B3GNT5: variants seen among roughly 807,000 people sequenced by gnomAD.
B3GNT5 encodes the protein lactosylceramide 1,3-N-acetyl-beta-D-glucosaminyltransferase.
In B3GNT5, 11 loss-of-function variants were observed where a neutral mutation model predicts 25.9. The ratio of observed to expected loss-of-function variants is 0.42; its 90% CI spans 0.27 to 0.70. The LOEUF is 0.70. Ranked by LOEUF, B3GNT5 falls within the 30% of genes least tolerant of loss-of-function variation. The pLI is 0.23. For missense variants in B3GNT5, 385 were observed against 458.4 expected, an observed-to-expected ratio of 0.84 and a Z score of 1.46; for synonymous variants, 166 against 158.6, an observed-to-expected ratio of 1.05 and a Z score of -0.35.
intron 1 of B3GNT5, among the ~76,000 whole-genome samples, chr3:183,255,803 A>G (rs1724987446): frequency 6.8e-6 from 1 of 147,292 alleles, no homozygotes; most frequent in South Asian, 2.1e-4. Flanking sequence ...AAATGGTGAG[A>G]TTGTAAAAAA....
chr3:183,268,264 G>A (rs1349769850), intron 1 of B3GNT5, among the ~76,000 whole-genome samples: 1 of 152,178 alleles, frequency 6.6e-6, no homozygotes, highest in Non-Finnish European at 1.5e-5. Context: ...AGGGTCCTGT[G>A]GGCCAGGCTG....
chr3:183,273,218 A>C lies in B3GNT5; in HGVS notation c.*2283A>C, dbSNP rs1342255960. On this transcript the variant is annotated 3_prime_UTR_variant, in exon 2 of 2. Transcript: ENST00000326505. ...ATAGAAGATGGTTATACACAGTGTT[A>C]TTGTTAAAATTTTTTTACCTTTTGG... The C allele has an allele frequency of 2.2e-4, 88 of 394,436 alleles. 1 individual carries two copies. In the East Asian group the frequency reaches 3.2e-3, roughly 14 times the overall value. 24.4% of individuals were successfully genotyped at this position (394,436 alleles called of 1,614,324 possible).
At chr3:183,255,124 G>C (rs6768556) in intron 1 of B3GNT5, among the ~76,000 whole-genome samples, 24,250 of 152,118 alleles carry the variant, frequency 0.16, 4,638 homozygotes, top group African/African-American at 0.46. Flanking sequence ...GGATTTGTGC[G>C]TCTGTGCCTT....
In B3GNT5 at chr3:183,273,255, C is replaced by CT. The variant is rs1294362861; in HGVS notation, c.*2326dup. 10 of 365,486 alleles carry CT rather than the reference C, an allele frequency of 2.7e-5. No homozygotes were observed. The highest frequency in any genetic ancestry group is 1.7e-4 in the African/African-American group (8 of 47,804). The allele number at this position is 365,486 out of a possible 1,614,324, so 22.6% of individuals were successfully genotyped here. A position where few individuals can be genotyped will look rare whatever the true frequency, so the allele number is the denominator to read the frequency against. On this transcript the variant is annotated 3_prime_UTR_variant, in exon 2 of 2. Transcript: ENST00000326505. ...TTTTTACCTTTTGGTTGGTTTGCATCTTTTTTCCATATTGTTAATTTTATA... is the reference window on the plus strand; with the variant it reads ...TTTTTACCTTTTGGTTGGTTTGCATCTTTTTTTCCATATTGTTAATTTTATA...
rs555898379 is a variant in B3GNT5 at position 183,272,156 on chromosome 3, A to G, written c.*1221A>G. ...GGGGTTAAAGCATTTTTAAAGCTGC[A>G]TGTTCCTTGTAATCAAAGAGATGTG... On this transcript the variant is annotated 3_prime_UTR_variant, in exon 2 of 2. Transcript: ENST00000326505. 1.0e-6 allele frequency: 1 copy of G among 1,000,330 alleles called. No homozygotes were observed. The highest frequency in any genetic ancestry group is 4.7e-5 in the South Asian group (1 of 21,294). 62.0% of individuals were successfully genotyped at this position (1,000,330 alleles called of 1,614,324 possible).
Position 183,273,121 on chromosome 3 carries a change from C to A in B3GNT5, c.*2186C>A. ...AAGAAGGAAAAAACTTTTTGGTGCT[C>A]CAGTGTAGGGCTATCTTTTTAAAAA... On this transcript the variant is annotated 3_prime_UTR_variant, in exon 2 of 2. Coordinates refer to ENST00000326505, the MANE Select transcript of B3GNT5 (RefSeq NM_032047.5). 1 of 903,228 alleles carries A rather than the reference C, an allele frequency of 1.1e-6. No individual in the cohort carries two copies. Among genetic ancestry groups the A allele is most frequent in the South Asian group, 1.8e-5 (1 of 54,358 alleles). 56.0% of individuals were successfully genotyped at this position (903,228 alleles called of 1,614,324 possible).
At chr3:183,265,193 G>A in intron 1 of B3GNT5, 1 of 152,254 alleles carries the variant, frequency 6.6e-6, no homozygotes, top group Admixed American at 6.5e-5. Context: ...AGAGTGAGGT[G>A]AGGGTTGCCC....
rs189235198 is a variant in B3GNT5 at position 183,259,326 on chromosome 3, A to G, written c.-302+5854A>G. On this transcript the variant is annotated intron_variant, in intron 1 of 1. Transcript: ENST00000326505. ...GTGGGGTGGCAGGGGTGGGGCTAGGAGTAGTGGCTGTTTGTAGCATGTTTT... is the reference window on the plus strand; with the variant it reads ...GTGGGGTGGCAGGGGTGGGGCTAGGGGTAGTGGCTGTTTGTAGCATGTTTT... 5.9e-5 allele frequency among the ~76,000 whole-genome samples: 9 copies of G among 152,280 alleles called. No individual in the cohort carries two copies. The East Asian group carries it at 1.4e-3, about 23-fold the overall frequency.
chr3:183,263,809 A>C (rs1208996762), intron 1 of B3GNT5, among the ~76,000 whole-genome samples: 1 of 152,132 alleles, frequency 6.6e-6, no homozygotes, highest in Non-Finnish European at 1.5e-5. Context: ...GTAATGCTTG[A>C]AATTAGCTCT....
chr3:183,263,090 AGT>A (rs981209535), intron 1 of B3GNT5, among the ~76,000 whole-genome samples: 2 of 152,036 alleles, frequency 1.3e-5, no homozygotes, highest in African/African-American at 4.8e-5. Flanking sequence ...CTGAGGAGTG[AGT>A]GTACTATAGA....
intron 1 of B3GNT5, among the ~76,000 whole-genome samples, chr3:183,266,867 A>G (rs191537939): frequency 2.1e-4 from 32 of 151,484 alleles, no homozygotes; most frequent in African/African-American, 7.8e-4. Flanking sequence ...GCTCATTGCA[A>G]CCTCCACCTT....
Position 183,270,289 on chromosome 3 carries a change from C to T in B3GNT5, c.491C>T (p.Ser164Phe). 6.2e-7 allele frequency: 1 copy of T among 1,614,150 alleles called. No individual in the cohort carries two copies. The highest frequency in any genetic ancestry group is 8.5e-7 in the Non-Finnish European group (1 of 1,180,014). ...ATAATTCAGCAAGACTTTGTTGATT[C>T]TTTCTACAATCTTACTCTGAAATTA... ...NDIIQQDFVD[S>F]FYNLTLKLLM... Residue 164 changes from serine (S) to phenylalanine (F), a missense_variant, in exon 2 of 2, where the codon TCT becomes TTT. Transcript: ENST00000326505. The surrounding 1 kb of genome is among the most constrained non-coding windows in gnomAD (Gnocchi z 4.5).
intron 1 of B3GNT5, among the ~76,000 whole-genome samples, chr3:183,264,298 C>T (rs1026018347): frequency 1.3e-5 from 2 of 152,226 alleles, no homozygotes; most frequent in Non-Finnish European, 2.9e-5. Flanking sequence ...TCCTCAGGCC[C>T]TCCTAAAATC....
chr3:183,262,929 C>T (rs192299321), intron 1 of B3GNT5, among the ~76,000 whole-genome samples: 4 of 151,736 alleles, frequency 2.6e-5, no homozygotes, highest in South Asian at 2.1e-4. Context: ...GATGGGAGGG[C>T]GCTGGGGTCT....
chr3:183,262,014 G>A (rs1309206023), intron 1 of B3GNT5, among the ~76,000 whole-genome samples: 3 of 129,326 alleles, frequency 2.3e-5, no homozygotes, highest in Admixed American at 8.1e-5. Context: ...ATATATATAT[G>A]AATATTTATT....
rs940588695 is a variant in B3GNT5, at chr3:183,271,031, C to T, written c.*96C>T. 1.1e-5 allele frequency: 13 copies of T among 1,179,148 alleles called. No homozygotes were observed. The highest frequency in any genetic ancestry group is 1.0e-4 in the East Asian group (4 of 39,098). 73.0% of individuals were successfully genotyped at this position (1,179,148 alleles called of 1,614,324 possible). A position where few individuals can be genotyped will look rare whatever the true frequency, so the allele number is the denominator to read the frequency against. Reference sequence around the variant, plus strand: ...GTCTATACCCTAAGTAAAATGAGGACGAAAGACAAATATTTTGAAAGCCTA... The same window carrying T: ...GTCTATACCCTAAGTAAAATGAGGATGAAAGACAAATATTTTGAAAGCCTA... On this transcript the variant is annotated 3_prime_UTR_variant, in exon 2 of 2. Coordinates refer to ENST00000326505, the MANE Select transcript of B3GNT5 (RefSeq NM_032047.5).
At chr3:183,259,431 C>A (rs1180387350) in intron 1 of B3GNT5, among the ~76,000 whole-genome samples, 2 of 152,140 alleles carry the variant, frequency 1.3e-5, no homozygotes, top group Non-Finnish European at 2.9e-5. Flanking sequence ...ATTTTTTATT[C>A]ATCTACCTTA....
At chr3:183,266,542 T>C (rs1726140388) in intron 1 of B3GNT5, among the ~76,000 whole-genome samples, 2 of 152,172 alleles carry the variant, frequency 1.3e-5, no homozygotes, top group Non-Finnish European at 2.9e-5. Flanking sequence ...AGAGGGCCCT[T>C]GTTTTGGGGC....
At chr3:183,269,248 T>TTTTTTTTTTTTTTTTTTTA (rs1726486222) in intron 1 of B3GNT5, among the ~76,000 whole-genome samples, 1 of 149,354 alleles carries the variant, frequency 6.7e-6, no homozygotes, top group Admixed American at 6.6e-5. Flanking sequence ...TTTTTTTTTT[T>TTTTTTTTTTTTTTTTTTTA]AAGAGTAGGA....
Sources: gnomAD v4.1 joint callset for allele counts (sites outside exome capture counted in the v4.1 genomes callset) on GRCh38, gnomAD v4.1.1 for gene constraint, Gnocchi (gnomAD v3.1) non-coding constraint, MANE v1.5 for transcripts, NCBI Gene and HGNC (gene_info 2026-07-23, HGNC 2026-07-21) for gene names.